Variants in REEP3 observed in about 807,000 individuals in gnomAD.
REEP3 encodes receptor accessory protein 3.
A neutral mutation model predicts 41.3 loss-of-function variants in REEP3; 20 were observed. That is an observed-to-expected ratio of 0.48 (90% CI 0.34 to 0.70). The LOEUF is 0.70. Ranked by LOEUF, REEP3 falls within the 30% of genes least tolerant of loss-of-function variation. The pLI, the probability that REEP3 is intolerant of heterozygous loss-of-function variation, is 0.01. For missense variants in REEP3, 271 were observed against 308.8 expected (o/e 0.88, Z 0.92); for synonymous variants, 104 against 101.8 (o/e 1.02, Z -0.13).
At chr10:63,591,676 C>A (rs769188120) in intron 2 of REEP3, among the ~76,000 whole-genome samples, 1 of 152,164 alleles carries the variant, frequency 6.6e-6, no homozygotes, top group Non-Finnish European at 1.5e-5. Context: ...TATTTTAAAG[C>A]ACATATTTAT....
In REEP3 at chr10:63,521,583, T is replaced by A; in HGVS notation, c.32+6T>A. The A allele has an allele frequency of 7.1e-7, 1 of 1,415,654 alleles. No homozygotes were observed. Among genetic ancestry groups the A allele is most frequent in the Non-Finnish European group, 9.3e-7 (1 of 1,072,278 alleles). The allele number at this position is 1,415,654 out of a possible 1,614,324, so 87.7% of individuals were successfully genotyped here. ...ATGATCTCCAGAGCCGTGGTGTAAG[T>A]GCCTCTCACTGCGCCCTGCAGCCGG... On this transcript the variant is annotated splice_donor_region_variant and intron_variant, in intron 1 of 7. Transcript: ENST00000373758.
intron 2 of REEP3, among the ~76,000 whole-genome samples, chr10:63,583,592 G>T (rs2133391459): frequency 6.6e-6 from 1 of 152,274 alleles, no homozygotes; most frequent in East Asian, 1.9e-4. Context: ...GTTAGATAAG[G>T]CCTAGGTGCC....
intron 1 of REEP3, among the ~76,000 whole-genome samples, chr10:63,533,710 C>CTTCTT (rs1955446842): frequency 9.9e-6 from 1 of 101,070 alleles, no homozygotes; most frequent in African/African-American, 3.3e-5. Context: ...GTATGTAAAT[C>CTTCTT]TTTTTTTTTT....
intron 2 of REEP3, 31 bp downstream of exon 2, chr10:63,566,441 A>T (rs929426145): frequency 8.3e-7 from 1 of 1,210,076 alleles, no homozygotes; most frequent in East Asian, 2.6e-5. Flanking sequence ...GATTAATCTG[A>T]GTTTAATATT....
At chr10:63,521,987 CAGGCTCCGCAGACGCCGAGCGCGGG>C (rs1304511786) in intron 1 of REEP3, 1 of 151,848 alleles carries the variant, frequency 6.6e-6, no homozygotes, top group South Asian at 2.1e-4. Context: ...GCTCCCTGCG[CAGGCTCCGCAGACGCCGAGCGCGGG>C]AGGCTCCGCG....
Position 63,621,200 on chromosome 10 carries a change from C to T in REEP3, c.*331C>T, listed in dbSNP as rs915823642. The T allele has an allele frequency of 3.1e-5, 6 of 190,546 alleles. No homozygotes were observed. In the East Asian group the frequency reaches 5.5e-4, roughly 17 times the overall value. 11.8% of individuals were successfully genotyped at this position (190,546 alleles called of 1,614,324 possible). On this transcript the variant is annotated 3_prime_UTR_variant, in exon 8 of 8. Coordinates refer to ENST00000373758, the MANE Select transcript of REEP3 (RefSeq NM_001001330.3). ...AGTATACTTGAAAGGAGCCTTTTTACGGTTCAGGATAAATCAGCCTTTGTG... is the reference window on the plus strand; with the variant it reads ...AGTATACTTGAAAGGAGCCTTTTTATGGTTCAGGATAAATCAGCCTTTGTG...
At chr10:63,542,686 T>C (rs1008505909) in intron 1 of REEP3, among the ~76,000 whole-genome samples, 4 of 152,216 alleles carry the variant, frequency 2.6e-5, no homozygotes, top group African/African-American at 9.6e-5. Context: ...AGAACATTAT[T>C]AGAATTATAA....
intron 5 of REEP3, among the ~76,000 whole-genome samples, chr10:63,605,687 G>C (rs904364325): frequency 6.6e-6 from 1 of 152,186 alleles, no homozygotes; most frequent in African/African-American, 2.4e-5. Context: ...CATTATTTGA[G>C]TGTAAAGAAA....
chr10:63,521,467 C>CGCGGCCTGCCGTTG lies in REEP3; in HGVS notation c.-70_-57dup. The CGCGGCCTGCCGTTG allele has an allele frequency of 2.1e-6, 2 of 972,856 alleles. No individual in the cohort carries two copies. Among genetic ancestry groups the CGCGGCCTGCCGTTG allele is most frequent in the Non-Finnish European group, 2.7e-6 (2 of 744,424 alleles). The allele number at this position is 972,856 out of a possible 1,614,324, so 60.3% of individuals were successfully genotyped here. A position where few individuals can be genotyped will look rare whatever the true frequency, so the allele number is the denominator to read the frequency against. On this transcript the variant is annotated 5_prime_UTR_variant, in exon 1 of 8. Transcript: ENST00000373758. ...GGGAGCGCGAGGAGCCGGCGAAGCGCGCGGCCTGCCGTTGGCGGCCTGGTC... is the reference window on the plus strand; with the variant it reads ...GGGAGCGCGAGGAGCCGGCGAAGCGCGCGGCCTGCCGTTGGCGGCCTGCCGTTGGCGGCCTGGTC...
At chr10:63,603,518 A>G (rs1956194818) in intron 5 of REEP3, among the ~76,000 whole-genome samples, 1 of 152,136 alleles carries the variant, frequency 6.6e-6, no homozygotes, top group African/African-American at 2.4e-5. Context: ...TTTATACGTT[A>G]ACACCTTAAA....
At chr10:63,533,574 T>C (rs1172280248) in intron 1 of REEP3, among the ~76,000 whole-genome samples, 1 of 152,142 alleles carries the variant, frequency 6.6e-6, no homozygotes, top group Non-Finnish European at 1.5e-5. Flanking sequence ...TGTTTTAACT[T>C]TGTATACCTA....
intron 1 of REEP3, among the ~76,000 whole-genome samples, chr10:63,536,714 A>G (rs907846974): frequency 6.6e-6 from 1 of 152,236 alleles, no homozygotes; most frequent in Non-Finnish European, 1.5e-5. Context: ...CTGGTATCTC[A>G]TAGAAGAGGA....
At chr10:63,569,454 C>G (rs1955833495) in intron 2 of REEP3, among the ~76,000 whole-genome samples, 1 of 141,728 alleles carries the variant, frequency 7.1e-6, no homozygotes, top group South Asian at 2.3e-4. Context: ...TTACGGTATT[C>G]TCCAATCTTT....
At chr10:63,562,516 C>G (rs527435832) in intron 1 of REEP3, 1 of 456,002 alleles carries the variant, frequency 2.2e-6, no homozygotes, top group South Asian at 1.6e-5. Flanking sequence ...CTCAACCTCC[C>G]AAGGTGCTAG....
At chr10:63,554,034 A>G (rs4430403) in intron 1 of REEP3, among the ~76,000 whole-genome samples, 149,306 of 151,558 alleles carry the variant, frequency 0.99, 73,580 homozygotes, top group Middle Eastern at 1. Flanking sequence ...CCCGGGAGGC[A>G]GAGCTTGCAG....
At chr10:63,593,093 A>G (rs904382570) in intron 2 of REEP3, among the ~76,000 whole-genome samples, 1 of 152,222 alleles carries the variant, frequency 6.6e-6, no homozygotes, top group Admixed American at 6.5e-5. Context: ...GCGGGTATTC[A>G]TATTTCACAT....
In REEP3 at chr10:63,621,344, A is replaced by G. The variant is rs1164482612; in HGVS notation, c.*475A>G. On this transcript the variant is annotated 3_prime_UTR_variant, in exon 8 of 8. Transcript: ENST00000373758. The stretch of plus-strand genomic sequence containing the variant: ...AAAGTAGGTTTTATATATTCTTTAA[A>G]TTTTTACTTATATAATACTTTCTAG... 1.3e-5 allele frequency: 2 copies of G among 152,572 alleles called. No homozygotes were observed. Among genetic ancestry groups the G allele is most frequent in the African/African-American group, 4.8e-5 (2 of 41,450 alleles). 9.5% of individuals were successfully genotyped at this position (152,572 alleles called of 1,614,324 possible). A position where few individuals can be genotyped will look rare whatever the true frequency, so the allele number is the denominator to read the frequency against.
intron 1 of REEP3, among the ~76,000 whole-genome samples, chr10:63,565,617 A>C (rs1589869108): frequency 6.6e-6 from 1 of 152,178 alleles, no homozygotes; most frequent in East Asian, 1.9e-4. Flanking sequence ...ATTACCACAA[A>C]TTGTGTACGT....
At chr10:63,530,730 A>T (rs563618408) in intron 1 of REEP3, among the ~76,000 whole-genome samples, 13 of 152,300 alleles carry the variant, frequency 8.5e-5, no homozygotes, top group African/African-American at 3.1e-4. Flanking sequence ...AGATTTTTAT[A>T]TTATGTACTT....
Sources: allele counts gnomAD v4.1 joint callset (sites outside exome capture counted in the v4.1 genomes callset), GRCh38; gene constraint gnomAD v4.1.1; transcripts MANE v1.5; gene names NCBI Gene and HGNC (gene_info 2026-07-23, HGNC 2026-07-21).